The following C12orf50 variants were observed in gnomAD, a reference collection of about 807,000 sequenced individuals.
C12orf50 encodes zinc finger CCCH-type containing 11D, also known as uncharacterized protein C12orf50.
A neutral mutation model predicts 61.6 loss-of-function variants in C12orf50; 35 were observed. The ratio of observed to expected loss-of-function variants is 0.57; its 90% confidence interval spans 0.43 to 0.75. The LOEUF (loss-of-function observed/expected upper bound fraction) is 0.75. C12orf50 is among the 30% of genes least tolerant of loss of function. The pLI is 0.00. For synonymous variants in C12orf50, 178 were observed against 161.5 expected, an observed-to-expected ratio of 1.10 and a Z score of -0.77; for missense variants, 475 against 488.5, an observed-to-expected ratio of 0.97 and a Z score of 0.26.
intron 7 of C12orf50, among the ~76,000 whole-genome samples, chr12:87,992,237 T>A (rs2031158989): frequency 6.6e-6 from 1 of 152,168 alleles, no homozygotes; most frequent in African/African-American, 2.4e-5. Context: ...TTCTACGATT[T>A]AAGATTATAA....
chr12:88,019,214 T>C (rs541798396), intron 3 of C12orf50, among the ~76,000 whole-genome samples: 17 of 151,896 alleles, frequency 1.1e-4, no homozygotes, highest in Admixed American at 5.2e-4. Flanking sequence ...TCCCATGCTG[T>C]TCTCGTGATA....
At chr12:87,988,171 G>A (rs1475554871) in intron 8 of C12orf50, among the ~76,000 whole-genome samples, 10 of 151,922 alleles carry the variant, frequency 6.6e-5, no homozygotes, top group East Asian at 1.9e-4. Context: ...AACAAAACTC[G>A]GAAACTATAG....
chr12:87,988,553 A>T (rs1241187237), intron 8 of C12orf50, among the ~76,000 whole-genome samples: 1 of 152,120 alleles, frequency 6.6e-6, no homozygotes, highest in Non-Finnish European at 1.5e-5. Context: ...TAGCTTTAAG[A>T]GTTTCTTTGA....
At chr12:87,986,888 C>T (rs958383184) in intron 9 of C12orf50, among the ~76,000 whole-genome samples, 5 of 152,012 alleles carry the variant, frequency 3.3e-5, no homozygotes, top group Admixed American at 6.6e-5. Flanking sequence ...ATTGGGTGTA[C>T]AGATAGTTTG....
intron 3 of C12orf50, among the ~76,000 whole-genome samples, chr12:88,011,033 C>T (rs1453905928): frequency 1.3e-5 from 2 of 151,970 alleles, no homozygotes; most frequent in Non-Finnish European, 1.5e-5. Context: ...TTTTTGTCAC[C>T]TTGATTTTTC....
intron 3 of C12orf50, among the ~76,000 whole-genome samples, chr12:88,000,229 A>T (rs1183612822): frequency 6.6e-6 from 1 of 152,076 alleles, no homozygotes; most frequent in Non-Finnish European, 1.5e-5. Flanking sequence ...TGTGCTACTT[A>T]ATTACTTTGC....
upstream of C12orf50, chr12:88,030,069 C>T (rs1406691706): frequency 6.5e-6 from 1 of 153,148 alleles, no homozygotes; most frequent in Non-Finnish European, 1.5e-5. Context: ...ATAATTAAAA[C>T]CCAGCAGAAA....
At chr12:88,014,873 T>C (rs980504449) in intron 3 of C12orf50, among the ~76,000 whole-genome samples, 1 of 152,226 alleles carries the variant, frequency 6.6e-6, no homozygotes, top group Non-Finnish European at 1.5e-5. Flanking sequence ...ATAACTCCAC[T>C]TCATTTTTAA....
chr12:87,986,349 A>G lies in C12orf50; in HGVS notation c.885T>C (p.Asp295=), dbSNP rs770068524. ...CAGAGTTAGGAAAGTTCTGTGGTTC[A>G]TCATAAATCCATTTTCTTTTCTTCA... ...KGVKKRKWIY[D]EPQNFPNSGM... The change falls in exon 10 of 13, where the codon GAT becomes GAC. Residue 295 remains aspartate (D), a synonymous_variant. Coordinates refer to ENST00000298699, the MANE Select transcript of C12orf50 (RefSeq NM_152589.3). 2 of 1,611,378 alleles carry G rather than the reference A, an allele frequency of 1.2e-6. No individual in the cohort carries two copies. Among genetic ancestry groups the G allele is most frequent in the Non-Finnish European group, 1.7e-6 (2 of 1,178,842 alleles).
At chr12:88,004,197 G>A (rs1333426913) in intron 3 of C12orf50, among the ~76,000 whole-genome samples, 1 of 152,006 alleles carries the variant, frequency 6.6e-6, no homozygotes, top group Non-Finnish European at 1.5e-5. Context: ...CAGGAGTTTA[G>A]GTCTTTGGAC....
chr12:88,020,422 C>G (rs1429802585), intron 3 of C12orf50, among the ~76,000 whole-genome samples: 1 of 151,984 alleles, frequency 6.6e-6, no homozygotes, highest in Admixed American at 6.6e-5. Context: ...AGACTTAAAC[C>G]AACAAGATTA....
intron 3 of C12orf50, among the ~76,000 whole-genome samples, chr12:88,025,875 T>C (rs575486194): frequency 6.6e-6 from 1 of 152,380 alleles, no homozygotes; most frequent in Non-Finnish European, 1.5e-5. Flanking sequence ...TACCATTCAC[T>C]GGTTTACACT....
At chr12:88,018,370 G>A (rs779064190) in intron 3 of C12orf50, among the ~76,000 whole-genome samples, 1 of 152,246 alleles carries the variant, frequency 6.6e-6, no homozygotes, top group African/African-American at 2.4e-5. Flanking sequence ...TGGGGTTTGG[G>A]AACCTCTGCC....
intron 12 of C12orf50, among the ~76,000 whole-genome samples, chr12:87,981,395 C>T (rs2030461709): frequency 6.6e-6 from 1 of 152,054 alleles, no homozygotes; most frequent in East Asian, 1.9e-4. Flanking sequence ...TCTAAGGTTT[C>T]TTGAAATTTA....
chr12:88,020,834 C>G (rs74495440), intron 3 of C12orf50, among the ~76,000 whole-genome samples: 7,615 of 151,706 alleles, frequency 0.05, 667 homozygotes, highest in African/African-American at 0.18. Context: ...TCATACCAAC[C>G]ATGCCCTCAG....
intron 11 of C12orf50, 106 bp downstream of exon 11, chr12:87,985,744 A>G: frequency 1.8e-6 from 2 of 1,082,960 alleles, no homozygotes; most frequent in East Asian, 2.4e-5. Context: ...TGGCCAGGGT[A>G]AAGAAGAGGG....
At chr12:88,006,820 G>T (rs2031904813) in intron 3 of C12orf50, among the ~76,000 whole-genome samples, 1 of 152,196 alleles carries the variant, frequency 6.6e-6, no homozygotes. Flanking sequence ...CGTAGAAAGA[G>T]CTCTGTGTTC....
intron 3 of C12orf50, among the ~76,000 whole-genome samples, chr12:88,003,301 T>A (rs1349047294): frequency 6.6e-6 from 1 of 151,884 alleles, no homozygotes; most frequent in Non-Finnish European, 1.5e-5. Flanking sequence ...CTAAAAAAAA[T>A]TGTATGTATT....
chr12:87,992,916 C>T (rs1193082914), intron 7 of C12orf50, among the ~76,000 whole-genome samples: 2 of 152,002 alleles, frequency 1.3e-5, no homozygotes, highest in South Asian at 4.2e-4. Context: ...CAGTTTTGAT[C>T]ATCTTCATTT....
Sources: allele counts gnomAD v4.1 joint callset (sites outside exome capture counted in the v4.1 genomes callset), GRCh38; gene constraint gnomAD v4.1.1; transcripts MANE v1.5; gene names NCBI Gene and HGNC (gene_info 2026-07-23, HGNC 2026-07-21).